NIBAN1: variants seen among roughly 807,000 people sequenced by gnomAD.
NIBAN1 encodes the protein niban apoptosis regulator 1.
Under a neutral mutation model 75.1 loss-of-function variants are expected in NIBAN1, and 81 were observed. That is an observed-to-expected ratio of 1.08 (90% CI 0.90 to 1.30). The LOEUF (loss-of-function observed/expected upper bound fraction) is 1.30, where lower values mean the gene tolerates loss of function less well. Ranked by LOEUF, NIBAN1 falls within the 50% of genes most tolerant of loss-of-function variation. The probability of loss-of-function intolerance (pLI) is 0.00; values close to 1 mark genes in which losing one functional copy is unlikely to be tolerated. For synonymous variants in NIBAN1, 436 were observed against 424.8 expected (o/e 1.03, Z -0.32); for missense variants, 1,133 against 1,128.1 (o/e 1.00, Z -0.06).
intron 5 of NIBAN1, among the ~76,000 whole-genome samples, chr1:184,859,142 T>G (rs1655751058): frequency 6.6e-6 from 1 of 151,852 alleles, no homozygotes; most frequent in South Asian, 2.1e-4. Context: ...ATGATCCAAT[T>G]TATGCATTTA....
chr1:184,822,646 C>T (rs1036360155), intron 8 of NIBAN1, among the ~76,000 whole-genome samples: 7 of 152,128 alleles, frequency 4.6e-5, no homozygotes, highest in African/African-American at 1.7e-4. Flanking sequence ...GGAGTTGGGG[C>T]TACAAACCTA....
At chr1:184,799,032 GTTTTA>G (rs1285684239) in intron 12 of NIBAN1, among the ~76,000 whole-genome samples, 4 of 151,640 alleles carry the variant, frequency 2.6e-5, no homozygotes, top group African/African-American at 7.3e-5. Context: ...TATAATTTTT[GTTTTA>G]TTTTATTTTT....
intron 1 of NIBAN1, among the ~76,000 whole-genome samples, chr1:184,910,800 C>G (rs1657221809): frequency 6.6e-6 from 1 of 152,082 alleles, no homozygotes; most frequent in Non-Finnish European, 1.5e-5. Context: ...GTGGGTGGCC[C>G]TCATCCAATT....
intron 1 of NIBAN1, among the ~76,000 whole-genome samples, chr1:184,967,548 T>C (rs1298653896): frequency 6.6e-6 from 1 of 152,208 alleles, no homozygotes; most frequent in African/African-American, 2.4e-5. Flanking sequence ...CCTTTACAAA[T>C]TGGGCTCCTG....
At chr1:184,937,898 C>A (rs905622282) in intron 1 of NIBAN1, among the ~76,000 whole-genome samples, 5 of 152,190 alleles carry the variant, frequency 3.3e-5, no homozygotes, top group Non-Finnish European at 5.9e-5. Context: ...ACTGCAGGTG[C>A]AAGGAGCATG....
rs754784476 is a variant in NIBAN1, at chr1:184,884,727, G to A, written c.507C>T (p.Pro169=). The A allele has an allele frequency of 1.9e-6, 3 of 1,614,084 alleles. No homozygotes were observed. Among genetic ancestry groups the A allele is most frequent in the African/African-American group, 2.7e-5 (2 of 74,944 alleles). The part of the protein sequence containing the change: ...PKEFPVYLWQ[P]FFRHGYFCFH... ...AGCAGAAGTAGCCGTGTCTGAAGAA[G>A]GGCTGCCACAGGTACACTGGGAATT... Residue 169 remains proline (P), a synonymous_variant, in exon 5 of 14, where the codon CCC becomes CCT. Coordinates refer to ENST00000367511, the MANE Select transcript of NIBAN1 (RefSeq NM_052966.4).
intron 1 of NIBAN1, among the ~76,000 whole-genome samples, chr1:184,903,099 A>G (rs543929091): frequency 6.6e-6 from 1 of 152,342 alleles, no homozygotes; most frequent in South Asian, 2.1e-4. Context: ...CCCTGTCACC[A>G]AATTTAGTAT....
chr1:184,832,043 G>C (rs1265270315), intron 5 of NIBAN1, 81 bp from the exon 6 acceptor site: 5 of 953,198 alleles, frequency 5.2e-6, no homozygotes, highest in Non-Finnish European at 8.4e-6. Flanking sequence ...ATGGCTCAGA[G>C]ACCTAGCATT....
intron 1 of NIBAN1, among the ~76,000 whole-genome samples, chr1:184,929,582 A>C (rs1420188869): frequency 6.6e-6 from 1 of 152,152 alleles, no homozygotes; most frequent in African/African-American, 2.4e-5. Flanking sequence ...TCACCTCCAA[A>C]AAAGAAGATA....
chr1:184,813,632 G>T (rs1654444200), intron 9 of NIBAN1, among the ~76,000 whole-genome samples: 1 of 152,238 alleles, frequency 6.6e-6, no homozygotes, highest in Non-Finnish European at 1.5e-5. Context: ...TGTTTAAAAA[G>T]AGGGATGTTT....
In NIBAN1 at chr1:184,818,709, G is replaced by T; in HGVS notation, c.1102C>A (p.Leu368Ile). 1.2e-6 allele frequency: 2 copies of T among 1,613,604 alleles called. No individual in the cohort carries two copies. The highest frequency in any genetic ancestry group is 1.7e-6 in the Non-Finnish European group (2 of 1,179,602). Residue 368 changes from leucine to isoleucine, a missense_variant, in exon 9 of 14, where the codon CTC becomes ATC. Transcript: ENST00000367511. Reference sequence around the variant, plus strand: ...ACTTCATTCACCTCTTTCTCAAAGAGTACACGTACTTCACTGAATCCCGAG... The same window carrying T: ...ACTTCATTCACCTCTTTCTCAAAGATTACACGTACTTCACTGAATCCCGAG... The part of the protein sequence containing the change: ...VSSGFSEVRV[L>I]FEKEVNEVSQ...
rs561674304 is a variant in NIBAN1, at chr1:184,922,085, T to A, written c.56-22776A>T. On this transcript the variant is annotated intron_variant, in intron 1 of 13. Transcript: ENST00000367511. ...ACACCCTCACCAATTACCTTTCACA[T>A]CTCCTTCATTTTTTTTAATTTTTAA... 9.9e-4 allele frequency among the ~76,000 whole-genome samples: 151 copies of A among 152,014 alleles called. 1 individual carries two copies. The highest frequency in any genetic ancestry group is 3.5e-3 in the African/African-American group (147 of 41,488).
rs1426464273 is a variant in NIBAN1 at position 184,930,988 on chromosome 1, TTTC to T, written c.56-31682_56-31680del. ...TGTTTCATTGTTTCTAAGTGCACTT[TTTC>T]TTCTTCTTTTTTTTTTTTTTTTTTT... On this transcript the variant is annotated intron_variant, in intron 1 of 13. Transcript: ENST00000367511. Among the ~76,000 whole-genome samples, 7 of 94,912 alleles carry T rather than the reference TTTC, an allele frequency of 7.4e-5. 1 individual carries two copies. Among genetic ancestry groups the T allele is most frequent in the South Asian group, 7.1e-4 (2 of 2,826 alleles). The allele number at this position is 94,912 out of a possible 152,430, so 62.3% of individuals were successfully genotyped here. A position where few individuals can be genotyped will look rare whatever the true frequency, so the allele number is the denominator to read the frequency against.
chr1:184,935,978 C>T (rs774338228), intron 1 of NIBAN1, among the ~76,000 whole-genome samples: 8 of 144,952 alleles, frequency 5.5e-5, no homozygotes, highest in African/African-American at 1.5e-4. Context: ...TCAGAGCTGA[C>T]GAACCACAGC....
chr1:184,974,368 G>A lies in NIBAN1; in HGVS notation c.-12C>T, dbSNP rs886398000. On this transcript the variant is annotated 5_prime_UTR_variant, in exon 1 of 14. Coordinates refer to ENST00000367511, the MANE Select transcript of NIBAN1 (RefSeq NM_052966.4). ...GCTGAGCCGCCCATGACCGCGAGCTGCCTGTGCTGAGCGCGGAAACTGCCC... is the reference window on the plus strand; with the variant it reads ...GCTGAGCCGCCCATGACCGCGAGCTACCTGTGCTGAGCGCGGAAACTGCCC... The A allele has an allele frequency of 1.3e-6, 2 of 1,551,996 alleles. No homozygotes were observed. The highest frequency in any genetic ancestry group is 1.7e-6 in the Non-Finnish European group (2 of 1,155,394).
At chr1:184,960,423 C>T (rs919096911) in intron 1 of NIBAN1, among the ~76,000 whole-genome samples, 2 of 152,092 alleles carry the variant, frequency 1.3e-5, no homozygotes, top group African/African-American at 4.8e-5. Context: ...CTAAGATATT[C>T]ATTACAGTTT....
At chr1:184,826,509 C>A (rs556540065) in intron 6 of NIBAN1, among the ~76,000 whole-genome samples, 1 of 152,188 alleles carries the variant, frequency 6.6e-6, no homozygotes, top group Non-Finnish European at 1.5e-5. Flanking sequence ...TGGAACACAT[C>A]TGCCGAAAGT....
chr1:184,842,291 A>G (rs1407665630), intron 5 of NIBAN1, among the ~76,000 whole-genome samples: 2 of 152,206 alleles, frequency 1.3e-5, no homozygotes, highest in Admixed American at 1.3e-4. Context: ...GCTAAAACAG[A>G]TAGCTGGCCC....
At chr1:184,931,711 C>T (rs905481150) in intron 1 of NIBAN1, among the ~76,000 whole-genome samples, 1 of 152,176 alleles carries the variant, frequency 6.6e-6, no homozygotes, top group Non-Finnish European at 1.5e-5. Context: ...AAAGAATTGT[C>T]TATCTTATGC....
Sources: allele counts gnomAD v4.1 joint callset (sites outside exome capture counted in the v4.1 genomes callset), GRCh38; gene constraint gnomAD v4.1.1; transcripts MANE v1.5; gene names NCBI Gene and HGNC (gene_info 2026-07-23, HGNC 2026-07-21).